CHRM3: variants seen among roughly 807,000 people sequenced by gnomAD.
The protein encoded by CHRM3 is cholinergic receptor muscarinic 3.
In CHRM3, 11 loss-of-function variants were observed where a neutral mutation model predicts 41.8. That is an observed-to-expected ratio of 0.26 (90% CI 0.17 to 0.44). CHRM3 has a LOEUF of 0.44. CHRM3 is among the 20% of genes least tolerant of loss of function. CHRM3 has a pLI of 1.00. For synonymous variants in CHRM3, 297 were observed against 301.4 expected (o/e 0.99, Z 0.15); for missense variants, 571 against 745.4 (o/e 0.77, Z 2.72).
chr1:239,534,611 A>G (rs1658012406), intron 2 of CHRM3, among the ~76,000 whole-genome samples: 1 of 152,256 alleles, frequency 6.6e-6, no homozygotes. Context: ...TCTGAAACAG[A>G]AAACAAAGAC....
At chr1:239,901,390 A>T (rs1679553087) in intron 6 of CHRM3, among the ~76,000 whole-genome samples, 1 of 151,182 alleles carries the variant, frequency 6.6e-6, no homozygotes, top group Non-Finnish European at 1.5e-5. Flanking sequence ...TTCTTTGTCC[A>T]TCACCCTCAA....
chr1:239,447,727 G>T (rs1328604775), intron 1 of CHRM3, among the ~76,000 whole-genome samples: 3 of 152,172 alleles, frequency 2.0e-5, no homozygotes, highest in Non-Finnish European at 4.4e-5. Context: ...GGTGAGCTGA[G>T]ATTGCACCAC....
At chr1:239,623,757 T>G (rs1572984326) in intron 3 of CHRM3, among the ~76,000 whole-genome samples, 2 of 29,086 alleles carry the variant, frequency 6.9e-5, no homozygotes, top group African/African-American at 1.4e-4. Flanking sequence ...TGTTTGGTTT[T>G]TTGTTCTTGC....
intron 1 of CHRM3, among the ~76,000 whole-genome samples, chr1:239,447,744 C>A (rs1274285159): frequency 6.6e-6 from 1 of 152,206 alleles, no homozygotes; most frequent in African/African-American, 2.4e-5. Context: ...CCACTGCACT[C>A]CAGCCTGGGC....
intron 6 of CHRM3, among the ~76,000 whole-genome samples, chr1:239,888,992 C>G (rs1302979676): frequency 6.6e-6 from 1 of 152,144 alleles, no homozygotes; most frequent in African/African-American, 2.4e-5. Context: ...CTGAAGCAGC[C>G]TCATTGTCTG....
chr1:239,443,330 G>T (rs2103265984), intron 1 of CHRM3, among the ~76,000 whole-genome samples: 1 of 152,164 alleles, frequency 6.6e-6, no homozygotes, highest in Non-Finnish European at 1.5e-5. Context: ...ATTAAAATGA[G>T]AATTTCCTAT....
chr1:239,870,468 G>C (rs750701463), intron 6 of CHRM3, among the ~76,000 whole-genome samples: 1 of 152,124 alleles, frequency 6.6e-6, no homozygotes, highest in Non-Finnish European at 1.5e-5. Context: ...ACCCCTTCCC[G>C]GGAGCGCTAG....
chr1:239,404,719 A>AATATATATATATATATATAT (rs67746016), intron 1 of CHRM3, among the ~76,000 whole-genome samples: 5 of 97,354 alleles, frequency 5.1e-5, no homozygotes, highest in Non-Finnish European at 4.0e-5. Context: ...GCTATATCTA[A>AATATATATATATATATATAT]ATATATATAT....
chr1:239,907,800 A>C lies in CHRM3; in HGVS notation c.349A>C (p.Ile117Leu). The C allele has an allele frequency of 6.2e-7, 1 of 1,614,204 alleles. No individual in the cohort carries two copies. The highest frequency in any genetic ancestry group is 8.5e-7 in the Non-Finnish European group (1 of 1,180,042). ...AAGCCTGGCCTGTGCCGATCTGATT[A>C]TCGGGGTCATTTCAATGAATCTGTT... ...LLSLACADLI[I>L]GVISMNLFTT... The change falls in exon 7 of 7, where the codon ATC becomes CTC. Residue 117 changes from isoleucine (I) to leucine (L), a missense_variant. Transcript: ENST00000676153. The surrounding 1 kb of genome is among the most constrained non-coding windows in gnomAD (Gnocchi z 5.4).
intron 5 of CHRM3, among the ~76,000 whole-genome samples, chr1:239,728,646 G>A (rs1468823589): frequency 2.0e-5 from 3 of 151,970 alleles, no homozygotes; most frequent in African/African-American, 7.2e-5. Context: ...TGAAGGTGGT[G>A]GAGTTAATGG....
intron 5 of CHRM3, among the ~76,000 whole-genome samples, chr1:239,702,672 G>A (rs528038876): frequency 3.3e-5 from 5 of 152,330 alleles, no homozygotes; most frequent in East Asian, 3.9e-4. Flanking sequence ...GCGCAGTGGC[G>A]CGATCTCAGC....
chr1:239,493,208 T>A (rs533889333), intron 2 of CHRM3, among the ~76,000 whole-genome samples: 1 of 152,350 alleles, frequency 6.6e-6, no homozygotes, highest in East Asian at 1.9e-4. Flanking sequence ...ATACAATTGG[T>A]GAAGTTATTC....
intron 1 of CHRM3, among the ~76,000 whole-genome samples, chr1:239,441,568 T>C (rs935249584): frequency 1.3e-5 from 2 of 152,214 alleles, no homozygotes; most frequent in African/African-American, 4.8e-5. Flanking sequence ...AGACTGACTT[T>C]GTTCATATGT....
intron 3 of CHRM3, among the ~76,000 whole-genome samples, chr1:239,556,867 G>A (rs959284201): frequency 1.3e-5 from 2 of 152,124 alleles, no homozygotes; most frequent in African/African-American, 4.8e-5. Context: ...AGCATACATA[G>A]AAGAAAGCAA....
At chr1:239,892,774 GCAC>G (rs1186034393) in intron 6 of CHRM3, among the ~76,000 whole-genome samples, 2 of 152,122 alleles carry the variant, frequency 1.3e-5, no homozygotes, top group Non-Finnish European at 2.9e-5. Context: ...AGTGTCTCAT[GCAC>G]CTTCCTGTCC....
chr1:239,678,813 A>G (rs1658254362), intron 5 of CHRM3, among the ~76,000 whole-genome samples: 1 of 152,196 alleles, frequency 6.6e-6, no homozygotes, highest in African/African-American at 2.4e-5. Context: ...AGATTTTGTG[A>G]CAGTTATTCC....
At chr1:239,767,463 C>A (rs1282347983) in intron 5 of CHRM3, among the ~76,000 whole-genome samples, 1 of 152,062 alleles carries the variant, frequency 6.6e-6, no homozygotes, top group African/African-American at 2.4e-5. Context: ...AAAACAGCTT[C>A]TTGAAAGAGG....
chr1:239,622,011 A>G (rs764363812), intron 3 of CHRM3, among the ~76,000 whole-genome samples: 13 of 152,152 alleles, frequency 8.5e-5, no homozygotes, highest in Non-Finnish European at 1.6e-4. Context: ...ACATTCATTT[A>G]TTATTTCAAA....
intron 2 of CHRM3, among the ~76,000 whole-genome samples, chr1:239,503,079 GAAAT>G (rs1668346930): frequency 6.6e-6 from 1 of 152,078 alleles, no homozygotes; most frequent in Non-Finnish European, 1.5e-5. Flanking sequence ...ACACAAGAAA[GAAAT>G]AAAGGGCATC....
Sources: gnomAD v4.1 joint callset for allele counts (sites outside exome capture counted in the v4.1 genomes callset) on GRCh38, gnomAD v4.1.1 for gene constraint, Gnocchi (gnomAD v3.1) non-coding constraint, MANE v1.5 for transcripts, NCBI Gene and HGNC (gene_info 2026-07-23, HGNC 2026-07-21) for gene names.